The following ANKRD36B variants were observed in gnomAD, a reference collection of about 807,000 sequenced individuals.
ANKRD36B encodes ankyrin repeat domain-containing protein 36B.
In ANKRD36B, 37 loss-of-function variants were observed where a neutral mutation model predicts 135.7. The ratio of observed to expected loss-of-function variants is 0.27; its 90% CI spans 0.21 to 0.36. The LOEUF (loss-of-function observed/expected upper bound fraction) is 0.36. Among genes scored for constraint, ANKRD36B ranks in the 10% least tolerant of loss-of-function variants. The pLI is 1.00. For missense variants in ANKRD36B, 549 were observed against 1,037.1 expected (o/e 0.53, Z 6.46); for synonymous variants, 179 against 348.1 (o/e 0.51, Z 5.41).
Position 97,551,461 on chromosome 2 carries a change from T to G in ANKRD36B, c.1293A>C (p.Pro431=), listed in dbSNP as rs376644275. 6.2e-7 allele frequency: 1 copy of G among 1,607,490 alleles called. No homozygotes were observed. The highest frequency in any genetic ancestry group is 2.2e-5 in the East Asian group (1 of 44,780). ...ATGAGAGTTTCATTACCTTCAAGGC[T>G]GGTTTTTTCTGAGAAGACACTGAAA... ...KSGTVSSQKK[P]ALKATSDEKD... Residue 431 remains proline (P), a synonymous_variant, in exon 17 of 44, where the codon CCA becomes CCC. Transcript: ENST00000359901.
chr2:97,538,380 A>G lies in ANKRD36B; in HGVS notation c.1988-17T>C. 2.2e-6 allele frequency: 2 copies of G among 904,658 alleles called. 1 individual carries two copies. The highest frequency in any genetic ancestry group is 5.2e-5 in the Admixed American group (2 of 38,632). 56.0% of individuals were successfully genotyped at this position (904,658 alleles called of 1,614,324 possible). ...GAGGAGACACTGAAAAGTAAAAGAA[A>G]TATATAATCCATCATATGTAAATAT... On this transcript the variant is annotated splice_polypyrimidine_tract_variant and intron_variant, in intron 30 of 43. Coordinates refer to ENST00000359901, the MANE Select transcript of ANKRD36B (RefSeq NM_001393939.1).
chr2:97,575,350 C>A (rs2082156103), intron 6 of ANKRD36B, among the ~76,000 whole-genome samples: 1 of 151,908 alleles, frequency 6.6e-6, no homozygotes, highest in Admixed American at 6.6e-5. Context: ...GCATCTCCAA[C>A]CTCAGATTTG....
chr2:97,585,499 A>C, intron 1 of ANKRD36B, 101 bp from the exon 2 acceptor site: 5 of 1,450,278 alleles, frequency 3.4e-6, no homozygotes, highest in Non-Finnish European at 3.7e-6. Context: ...CTTGTGAAGA[A>C]AGTACAACAT....
chr2:97,587,890 G>C (rs991493673), intron 1 of ANKRD36B, among the ~76,000 whole-genome samples: 1 of 151,862 alleles, frequency 6.6e-6, no homozygotes, highest in Non-Finnish European at 1.5e-5. Context: ...ATGTGCATAG[G>C]TTGCTTGAAT....
Position 97,526,980 on chromosome 2 carries a change from T to G in ANKRD36B, c.2266-3513A>C, listed in dbSNP as rs192468557. On this transcript the variant is annotated intron_variant, in intron 35 of 43. Coordinates refer to ENST00000359901, the MANE Select transcript of ANKRD36B (RefSeq NM_001393939.1). Reference sequence around the variant, plus strand: ...ATGGAACCAAGTTGGAAAACACTCTTCAGGATATTATCCAGGAGAACTTCC... The same window carrying G: ...ATGGAACCAAGTTGGAAAACACTCTGCAGGATATTATCCAGGAGAACTTCC... Among the ~76,000 whole-genome samples the G allele has an allele frequency of 4.9e-3, 473 of 96,350 alleles. 111 individuals are homozygous for G. In the East Asian group the frequency reaches 0.071, roughly 14 times the overall value. 63.2% of individuals were successfully genotyped at this position (96,350 alleles called of 152,430 possible).
chr2:97,555,763 C>A lies in ANKRD36B; in HGVS notation c.1070-509G>T, dbSNP rs1022538666. ...CTTCACGTCTCTTAAGTGGAAGGGA[C>A]CTAAATTGATCAGCTTGGATATATG... On this transcript the variant is annotated intron_variant, in intron 12 of 43. Coordinates refer to ENST00000359901, the MANE Select transcript of ANKRD36B (RefSeq NM_001393939.1). Among the ~76,000 whole-genome samples the A allele has an allele frequency of 4.0e-5, 6 of 151,854 alleles. No homozygotes were observed. In the East Asian group the frequency reaches 9.7e-4, roughly 25 times the overall value.
At chr2:97,559,083 T>A (rs2080789882) in intron 8 of ANKRD36B, 89 bp from the exon 9 acceptor site, 6 of 1,567,610 alleles carry the variant, frequency 3.8e-6, no homozygotes, top group Non-Finnish European at 5.2e-6. Flanking sequence ...TCAAGCTGTA[T>A]CTTCCTGCCT....
chr2:97,573,313 T>G (rs912952214), intron 6 of ANKRD36B, among the ~76,000 whole-genome samples: 6 of 152,302 alleles, frequency 3.9e-5, no homozygotes, highest in Middle Eastern at 6.8e-3. Context: ...CAGTCTATCA[T>G]TGTTGGACAT....
intron 1 of ANKRD36B, among the ~76,000 whole-genome samples, chr2:97,587,899 A>G (rs543108855): frequency 9.2e-5 from 14 of 152,228 alleles, no homozygotes; most frequent in South Asian, 6.2e-4. Context: ...GGTTGCTTGA[A>G]TATCTGAAAA....
At chr2:97,549,669 C>T in intron 18 of ANKRD36B, 55 bp from the exon 19 acceptor site, 1 of 1,603,620 alleles carries the variant, frequency 6.2e-7, no homozygotes, top group Non-Finnish European at 8.5e-7. Context: ...CAAAGATATC[C>T]ACACATTCAT....
chr2:97,585,858 A>G lies in ANKRD36B; in HGVS notation c.162-460T>C, dbSNP rs561304635. On this transcript the variant is annotated intron_variant, in intron 1 of 43. Transcript: ENST00000359901. Reference sequence around the variant, plus strand: ...CAATCATATCTACATTGAGGTATCTATTAAAGATTAGATGTATCATTGTAT... The same window carrying G: ...CAATCATATCTACATTGAGGTATCTGTTAAAGATTAGATGTATCATTGTAT... Among the ~76,000 whole-genome samples, 198 of 152,362 alleles carry G rather than the reference A, an allele frequency of 1.3e-3. 3 individuals carry two copies. Among genetic ancestry groups the G allele is most frequent in the African/African-American group, 4.5e-3 (187 of 41,586 alleles).
chr2:97,552,376 A>G (rs2080143696), intron 16 of ANKRD36B, among the ~76,000 whole-genome samples: 1 of 151,960 alleles, frequency 6.6e-6, no homozygotes, highest in African/African-American at 2.4e-5. Flanking sequence ...GTTTCGTGAA[A>G]TAGCTATTTT....
rs566717361 is a variant in ANKRD36B at position 97,531,779 on chromosome 2, C to A, written c.2265+532G>T. The stretch of plus-strand genomic sequence containing the variant: ...CACTAATACCAAAGGTGCCATTTTG[C>A]AAGGTATAATTCTCTTGATAGCCAG... On this transcript the variant is annotated intron_variant, in intron 35 of 43. Coordinates refer to ENST00000359901, the MANE Select transcript of ANKRD36B (RefSeq NM_001393939.1). Among the ~76,000 whole-genome samples, 37 of 96,262 alleles carry A rather than the reference C, an allele frequency of 3.8e-4. 4 individuals are homozygous for A. The highest frequency in any genetic ancestry group is 1.2e-3 in the African/African-American group (37 of 32,162). The allele number at this position is 96,262 out of a possible 152,430, so 63.2% of individuals were successfully genotyped here.
intron 6 of ANKRD36B, among the ~76,000 whole-genome samples, chr2:97,574,231 T>C (rs1381471629): frequency 6.6e-6 from 1 of 151,974 alleles, no homozygotes; most frequent in Non-Finnish European, 1.5e-5. Flanking sequence ...GGGCAAAGGA[T>C]ATGAACAGAC....
chr2:97,563,990 C>T (rs1193629533), intron 6 of ANKRD36B, among the ~76,000 whole-genome samples: 1 of 95,708 alleles, frequency 1.0e-5, no homozygotes, highest in Admixed American at 9.2e-5. Context: ...ATGGATAGAT[C>T]TGAAATATAT....
Position 97,516,203 on chromosome 2 carries a change from A to AC in ANKRD36B, c.2408-259_2408-258insG. ...TCAGATAGGTCCTGTAAAAAAAAAA[A>AC]AAAAAAAAAAACATAGTTATGTGAT... On this transcript the variant is annotated intron_variant, in intron 36 of 43. Coordinates refer to ENST00000359901, the MANE Select transcript of ANKRD36B (RefSeq NM_001393939.1). Among the ~76,000 whole-genome samples, 2 of 63,844 alleles carry AC rather than the reference A, an allele frequency of 3.1e-5. 1 individual carries two copies. The highest frequency in any genetic ancestry group is 6.0e-4 in the South Asian group (2 of 3,342). 41.9% of individuals were successfully genotyped at this position (63,844 alleles called of 152,430 possible). A position where few individuals can be genotyped will look rare whatever the true frequency, so the allele number is the denominator to read the frequency against.
rs553592111 is a variant in ANKRD36B at position 97,585,310 on chromosome 2, G to A, written c.250C>T (p.Arg84Cys). The A allele has an allele frequency of 4.9e-5, 77 of 1,576,348 alleles. No individual in the cohort carries two copies. Among genetic ancestry groups the A allele is most frequent in the Middle Eastern group, 3.3e-4 (2 of 6,028 alleles). Residue 84 changes from arginine to cysteine, a missense_variant, in exon 2 of 44, where the codon CGT becomes TGT. By Grantham distance (180) the Arg-to-Cys change is radical (BLOSUM62 -3). Transcript: ENST00000359901. ...SRRCELNLCD[R>C]EDRTPLIKAV... ...TTGATCAGAGGTGTCCTGTCTTCACGGTCGCAGAGGTTAAGCTCACATCTT... is the reference window on the plus strand; with the variant it reads ...TTGATCAGAGGTGTCCTGTCTTCACAGTCGCAGAGGTTAAGCTCACATCTT...
In ANKRD36B at chr2:97,553,220, A is replaced by G. The variant is rs771552295; in HGVS notation, c.1221T>C (p.Gly407=). 100 of 1,610,812 alleles carry G rather than the reference A, an allele frequency of 6.2e-5. No homozygotes were observed. Among genetic ancestry groups the G allele is most frequent in the Middle Eastern group, 3.5e-4 (2 of 5,710 alleles). ...QALKATTDEE[G]SVSNIATEIK... The stretch of plus-strand genomic sequence containing the variant: ...TTTCTGTGGCTATATTAGAAACAGA[A>G]CCTTCCTCGTCAGTTGTAGCCTGAA... The change falls in exon 16 of 44, where the codon GGT becomes GGC. Residue 407 remains glycine (G), a synonymous_variant. Coordinates refer to ENST00000359901, the MANE Select transcript of ANKRD36B (RefSeq NM_001393939.1).
At chr2:97,569,861 A>C (rs1332264509) in intron 6 of ANKRD36B, among the ~76,000 whole-genome samples, 1 of 152,170 alleles carries the variant, frequency 6.6e-6, no homozygotes, top group East Asian at 1.9e-4. Context: ...ATTATAGTAT[A>C]TAAAAGCACA....
Sources: allele counts gnomAD v4.1 joint callset (sites outside exome capture counted in the v4.1 genomes callset), GRCh38; gene constraint gnomAD v4.1.1; transcripts MANE v1.5; gene names NCBI Gene and HGNC (gene_info 2026-07-23, HGNC 2026-07-21).